PCDH15: variants seen among roughly 807,000 people sequenced by gnomAD.
PCDH15 encodes protocadherin related 15, also known as protocadherin-15.
PCDH15 carries 129 observed loss-of-function variants against 178.5 expected under a neutral mutation model. That is an observed-to-expected ratio of 0.72 (90% CI 0.63 to 0.84). The LOEUF (loss-of-function observed/expected upper bound fraction) is 0.84, where lower values mean the gene tolerates loss of function less well. Among genes scored for constraint, PCDH15 ranks in the 40% least tolerant of loss-of-function variants. The probability of loss-of-function intolerance (pLI) is 0.00; values close to 1 mark genes in which losing one functional copy is unlikely to be tolerated. For missense variants in PCDH15, 2,230 were observed against 2,099.9 expected (o/e 1.06, Z -1.21); for synonymous variants, 800 against 732.0 (o/e 1.09, Z -1.50).
chr10:53,914,064 A>T (rs1163187882), intron 25 of PCDH15, among the ~76,000 whole-genome samples: 1 of 152,206 alleles, frequency 6.6e-6, no homozygotes, highest in East Asian at 1.9e-4. Context: ...CCACAATAAG[A>T]TACCATCTCA....
intron 2 of PCDH15, among the ~76,000 whole-genome samples, chr10:55,408,967 GT>G (rs2132033078): frequency 6.6e-6 from 1 of 152,118 alleles, no homozygotes; most frequent in Non-Finnish European, 1.5e-5. Context: ...TTGGCATTAT[GT>G]TTTTATCCTA....
intron 1 of PCDH15, among the ~76,000 whole-genome samples, chr10:55,297,198 AAAAG>A (rs1299699307): frequency 5.9e-5 from 9 of 152,074 alleles, no homozygotes; most frequent in South Asian, 2.1e-4. Context: ...AAAGAAAGAA[AAAAG>A]AAAGAGAGAG....
chr10:54,936,800 A>G (rs941041168), intron 2 of PCDH15, among the ~76,000 whole-genome samples: 12 of 149,648 alleles, frequency 8.0e-5, no homozygotes, highest in African/African-American at 2.7e-4. Flanking sequence ...TTTTCTGTTG[A>G]TTGCCTTTCT....
intron 3 of PCDH15, among the ~76,000 whole-genome samples, chr10:54,848,940 G>C (rs1468266198): frequency 6.6e-6 from 1 of 152,134 alleles, no homozygotes; most frequent in Non-Finnish European, 1.5e-5. Flanking sequence ...ATTCCAGGGA[G>C]AAAATGCTAT....
chr10:53,985,076 C>A (rs766722897), intron 21 of PCDH15, among the ~76,000 whole-genome samples: 24 of 152,160 alleles, frequency 1.6e-4, no homozygotes, highest in Non-Finnish European at 3.5e-4. Context: ...CAGACAAGGT[C>A]AGCCAACTCC....
chr10:55,342,438 G>C (rs763496259), intron 2 of PCDH15, among the ~76,000 whole-genome samples: 1 of 151,762 alleles, frequency 6.6e-6, no homozygotes, highest in Non-Finnish European at 1.5e-5. Context: ...ATTAATTTGT[G>C]TTTGTTTTAC....
At chr10:54,390,955 G>T (rs1453057557) in intron 3 of PCDH15, among the ~76,000 whole-genome samples, 2 of 152,010 alleles carry the variant, frequency 1.3e-5, no homozygotes, top group Admixed American at 6.5e-5. Context: ...GGATCAAAAG[G>T]GTTGAGAGTT....
At chr10:54,055,394 T>C (rs193283709) in intron 18 of PCDH15, among the ~76,000 whole-genome samples, 73 of 152,360 alleles carry the variant, frequency 4.8e-4, no homozygotes, top group African/African-American at 1.7e-3. Context: ...CATGGAAGTT[T>C]ACTGGGAATC....
intron 3 of PCDH15, among the ~76,000 whole-genome samples, chr10:54,453,113 T>G (rs1276220958): frequency 6.6e-6 from 1 of 152,116 alleles, no homozygotes; most frequent in Non-Finnish European, 1.5e-5. Flanking sequence ...TTCAGGGATC[T>G]AGAACTAGAA....
At chr10:55,159,704 C>A (rs1385364345) in intron 2 of PCDH15, among the ~76,000 whole-genome samples, 2 of 145,700 alleles carry the variant, frequency 1.4e-5, no homozygotes, top group Non-Finnish European at 1.5e-5. Context: ...TAAGATATAT[C>A]TATATTATAT....
chr10:53,818,312 T>A (rs1688745673), intron 33 of PCDH15: 1 of 223,206 alleles, frequency 4.5e-6, no homozygotes, highest in African/African-American at 2.3e-5. Flanking sequence ...ACTCTATTAT[T>A]ATCAATCAAT....
chr10:53,867,507 A>G (rs1189953765), intron 26 of PCDH15, among the ~76,000 whole-genome samples: 4 of 152,158 alleles, frequency 2.6e-5, no homozygotes, highest in Admixed American at 1.3e-4. Context: ...AAGTACTATT[A>G]TTATTTGTCA....
At chr10:53,846,531 A>AT (rs34563701) in intron 28 of PCDH15, among the ~76,000 whole-genome samples, 28 of 151,730 alleles carry the variant, frequency 1.8e-4, no homozygotes, top group Admixed American at 9.2e-4. Flanking sequence ...TATTTAACTG[A>AT]TTTTTTTTCC....
At chr10:55,330,991 CA>C (rs1844185776) in intron 2 of PCDH15, among the ~76,000 whole-genome samples, 2 of 151,554 alleles carry the variant, frequency 1.3e-5, no homozygotes, top group African/African-American at 4.8e-5. Flanking sequence ...CTCTCCTATC[CA>C]ATATTATTTA....
chr10:54,328,597 G>C (rs1016731640), intron 7 of PCDH15, among the ~76,000 whole-genome samples: 1 of 152,002 alleles, frequency 6.6e-6, no homozygotes, highest in African/African-American at 2.4e-5. Flanking sequence ...AGGAGATGTT[G>C]GATGGGAGAA....
At chr10:55,556,497 G>T (rs1326224989) in intron 2 of PCDH15, among the ~76,000 whole-genome samples, 2 of 152,070 alleles carry the variant, frequency 1.3e-5, no homozygotes, top group African/African-American at 4.8e-5. Context: ...GCAACTATGA[G>T]ATTGTTTTAA....
intron 6 of PCDH15, among the ~76,000 whole-genome samples, chr10:54,341,332 G>A (rs147587575): frequency 8.5e-5 from 13 of 152,232 alleles, no homozygotes; most frequent in African/African-American, 1.4e-4. Context: ...GAGTTCTCAC[G>A]AGATCTGATG....
At chr10:55,072,625 G>C (rs956139571) in intron 2 of PCDH15, among the ~76,000 whole-genome samples, 5 of 151,944 alleles carry the variant, frequency 3.3e-5, no homozygotes, top group Non-Finnish European at 7.4e-5. Context: ...CAACCAAAAA[G>C]AGTCCAGGAC....
chr10:54,561,916 T>G (rs145114699), intron 2 of PCDH15, among the ~76,000 whole-genome samples: 2,890 of 149,302 alleles, frequency 0.019, 91 homozygotes, highest in African/African-American at 0.067. Flanking sequence ...TCTCCTGACC[T>G]CATTATCTGC....
Sources: allele counts gnomAD v4.1 joint callset (sites outside exome capture counted in the v4.1 genomes callset), GRCh38; gene constraint gnomAD v4.1.1; transcripts MANE v1.5; gene names NCBI Gene and HGNC (gene_info 2026-07-23, HGNC 2026-07-21).